Variants in ZNF280D observed in about 807,000 individuals in gnomAD.
The protein encoded by ZNF280D is zinc finger protein 280D.
ZNF280D carries 39 observed loss-of-function variants against 94.7 expected under a neutral mutation model. The ratio of observed to expected loss-of-function variants is 0.41; its 90% CI spans 0.32 to 0.54. ZNF280D has a LOEUF of 0.54. Among genes scored for constraint, ZNF280D ranks in the 20% least tolerant of loss-of-function variants. The pLI is 0.22. For missense variants in ZNF280D, 1,090 were observed against 1,149.3 expected (o/e 0.95, Z 0.75); for synonymous variants, 398 against 377.6 (o/e 1.05, Z -0.63).
intron 20 of ZNF280D, 59 bp downstream of exon 20, chr15:56,642,893 A>G: frequency 8.0e-7 from 1 of 1,255,308 alleles, no homozygotes; most frequent in Non-Finnish European, 1.1e-6. Context: ...ATTTTATATC[A>G]TACCAATAAT....
At chr15:56,732,623 T>C (rs912441353) in intron 1 of ZNF280D, 1 of 151,914 alleles carries the variant, frequency 6.6e-6, no homozygotes, top group Non-Finnish European at 1.5e-5. Context: ...TTTTAACAAA[T>C]CTTCGCAAAC....
chr15:56,668,111 A>T (rs1301854115), intron 14 of ZNF280D: 2 of 454,218 alleles, frequency 4.4e-6, no homozygotes, highest in Non-Finnish European at 4.4e-6. Context: ...TGTTTTAGTT[A>T]ATTCAAATAA....
chr15:56,726,727 G>C (rs1206646190), intron 1 of ZNF280D, among the ~76,000 whole-genome samples: 1 of 152,122 alleles, frequency 6.6e-6, no homozygotes, highest in African/African-American at 2.4e-5. Flanking sequence ...TTATTTTCCA[G>C]TTTTCTTATA....
chr15:56,731,151 C>T (rs1453949038), intron 1 of ZNF280D, among the ~76,000 whole-genome samples: 1 of 152,086 alleles, frequency 6.6e-6, no homozygotes, highest in South Asian at 2.1e-4. Context: ...TCAGGAGGAA[C>T]TATCACTAAA....
intron 1 of ZNF280D, among the ~76,000 whole-genome samples, chr15:56,713,957 T>A (rs1188310865): frequency 6.6e-6 from 1 of 152,110 alleles, no homozygotes; most frequent in Admixed American, 6.5e-5. Flanking sequence ...TAAACAATAA[T>A]ATAATTAAAG....
chr15:56,676,425 T>C (rs915481437), intron 13 of ZNF280D, among the ~76,000 whole-genome samples: 18 of 152,112 alleles, frequency 1.2e-4, no homozygotes, highest in Middle Eastern at 3.2e-3. Context: ...TTTCTGTCAA[T>C]CCTCAGCTTC....
chr15:56,636,853 C>A (rs1240443549), intron 20 of ZNF280D, among the ~76,000 whole-genome samples: 3 of 152,002 alleles, frequency 2.0e-5, no homozygotes, highest in Non-Finnish European at 4.4e-5. Context: ...TTCCTGACCT[C>A]AAATGATCCA....
At chr15:56,716,158 G>A (rs1188939116) in intron 1 of ZNF280D, among the ~76,000 whole-genome samples, 5 of 152,024 alleles carry the variant, frequency 3.3e-5, no homozygotes, top group Non-Finnish European at 7.4e-5. Context: ...CATTTACTGT[G>A]TGTCGGGTAG....
chr15:56,681,504 C>T (rs1482669203), intron 10 of ZNF280D, among the ~76,000 whole-genome samples: 1 of 152,078 alleles, frequency 6.6e-6, no homozygotes, highest in Admixed American at 6.5e-5. Context: ...CAAAACTCTG[C>T]TTAATATCTG....
In ZNF280D at chr15:56,633,274, T is replaced by C. The variant is rs186528747; in HGVS notation, c.2316-1152A>G. 3.1e-4 allele frequency among the ~76,000 whole-genome samples: 47 copies of C among 152,310 alleles called. No individual in the cohort carries two copies. The East Asian group carries it at 6.7e-3, about 22-fold the overall frequency. Reference sequence around the variant, plus strand: ...TATAAGGCTATTTCTCTGCTATTTGTTTTGTTCTACTGATTTGTCTTTAGA... The same window carrying C: ...TATAAGGCTATTTCTCTGCTATTTGCTTTGTTCTACTGATTTGTCTTTAGA... On this transcript the variant is annotated intron_variant, in intron 21 of 21. Coordinates refer to ENST00000267807, the MANE Select transcript of ZNF280D (RefSeq NM_017661.4).
At chr15:56,668,333 T>C in intron 14 of ZNF280D, 1 of 349,582 alleles carries the variant, frequency 2.9e-6, no homozygotes, top group Non-Finnish European at 5.5e-6. Flanking sequence ...GACATGTGTT[T>C]GCTCACTTAA....
chr15:56,663,846 G>A (rs1216808998), intron 16 of ZNF280D, among the ~76,000 whole-genome samples: 12 of 152,050 alleles, frequency 7.9e-5, no homozygotes, highest in African/African-American at 2.9e-4. Context: ...GTTGCAGTGA[G>A]CTTTGACTGC....
chr15:56,661,542 G>A (rs8043223), intron 16 of ZNF280D, among the ~76,000 whole-genome samples: 63,030 of 151,954 alleles, frequency 0.41, 13,352 homozygotes, highest in Middle Eastern at 0.54. Context: ...GTACTCTGTC[G>A]TACCTACTGT....
At chr15:56,724,413 T>C (rs1770524354) in intron 1 of ZNF280D, among the ~76,000 whole-genome samples, 1 of 152,196 alleles carries the variant, frequency 6.6e-6, no homozygotes, top group Admixed American at 6.5e-5. Context: ...ACAGGTCAAA[T>C]GCTCTAAGGA....
chr15:56,678,366 G>A (rs1222750304), intron 11 of ZNF280D, among the ~76,000 whole-genome samples: 1 of 152,122 alleles, frequency 6.6e-6, no homozygotes, highest in Non-Finnish European at 1.5e-5. Flanking sequence ...TAAATGAAGA[G>A]CAATGATTTA....
intron 9 of ZNF280D, among the ~76,000 whole-genome samples, chr15:56,685,169 G>A (rs1169401384): frequency 6.6e-6 from 1 of 152,088 alleles, no homozygotes; most frequent in East Asian, 1.9e-4. Context: ...AAATTGCTTT[G>A]AACATGAACG....
At chr15:56,687,699 C>A (rs1370849237) in intron 9 of ZNF280D, among the ~76,000 whole-genome samples, 1 of 151,978 alleles carries the variant, frequency 6.6e-6, no homozygotes, top group Non-Finnish European at 1.5e-5. Context: ...ACACAAAAAA[C>A]ATCAGAAATC....
intron 13 of ZNF280D, 120 bp from the exon 14 acceptor site, chr15:56,669,077 C>T: frequency 2.5e-6 from 2 of 805,314 alleles, no homozygotes; most frequent in Non-Finnish European, 3.8e-6. Flanking sequence ...TGCGGTTTAA[C>T]ATCTCCTATC....
At chr15:56,656,651 G>A (rs1444147274) in intron 17 of ZNF280D, among the ~76,000 whole-genome samples, 7 of 151,982 alleles carry the variant, frequency 4.6e-5, no homozygotes, top group African/African-American at 1.5e-4. Flanking sequence ...TCACAGATGG[G>A]ACCTATTTTC....
Sources: allele counts gnomAD v4.1 joint callset (sites outside exome capture counted in the v4.1 genomes callset), GRCh38; gene constraint gnomAD v4.1.1; transcripts MANE v1.5; gene names NCBI Gene and HGNC (gene_info 2026-07-23, HGNC 2026-07-21).